NFKB2: variants seen among roughly 807,000 people sequenced by gnomAD.
The protein encoded by NFKB2 is nuclear factor NF-kappa-B p100 subunit.
A neutral mutation model predicts 109.3 loss-of-function variants in NFKB2; 21 were observed. That is an observed-to-expected ratio of 0.19 (90% CI 0.14 to 0.28). NFKB2 has a LOEUF of 0.28. Among genes scored for constraint, NFKB2 ranks in the 10% least tolerant of loss-of-function variants. The probability of loss-of-function intolerance (pLI) is 1.00; values close to 1 mark genes in which losing one functional copy is unlikely to be tolerated. For missense variants in NFKB2, 806 were observed against 1,185.3 expected (o/e 0.68, Z 4.70); for synonymous variants, 478 against 489.9 (o/e 0.98, Z 0.32).
In NFKB2 at chr10:102,401,336, G is replaced by A. The variant is rs1178732088; in HGVS notation, c.2223+5G>A. 3.1e-6 allele frequency: 5 copies of A among 1,605,830 alleles called. No homozygotes were observed. Among genetic ancestry groups the A allele is most frequent in the Non-Finnish European group, 4.3e-6 (5 of 1,174,914 alleles). ...GACCTCACTTGCAGCACCAAGGTGA[G>A]GCCAGCCCGGGACTAGAAGTGCTCT... On this transcript the variant is annotated splice_donor_5th_base_variant and intron_variant, in intron 19 of 22. Transcript: ENST00000661543. The surrounding 1 kb of genome is among the most constrained non-coding windows in gnomAD (Gnocchi z 4.2).
rs923380285 is a variant in NFKB2 at position 102,399,352 on chromosome 10, C to T, written c.1182C>T (p.Pro394=). 10 of 1,567,894 alleles carry T rather than the reference C, an allele frequency of 6.4e-6. No homozygotes were observed. Among genetic ancestry groups the T allele is most frequent in the Non-Finnish European group, 8.6e-6 (10 of 1,158,896 alleles). The part of the protein sequence containing the change: ...AYSPYQSGAG[P]MGCYPGGGGG... ...GCCCCTACCAGTCCGGCGCGGGCCC[C>T]ATGGGCTGCTACCCGGGAGGCGGGG... Residue 394 remains proline, a synonymous_variant, in exon 13 of 23, where the codon CCC becomes CCT. Transcript: ENST00000661543.
In NFKB2 at chr10:102,396,635, T is replaced by TC; in HGVS notation, c.145-90_145-89insC. ...CTGCTGCTGATCAGAGTGCTGTAGT[T>TC]TGGTTCAGGGCTACTACCAGGCACT... On this transcript the variant is annotated intron_variant, in intron 4 of 22. Coordinates refer to ENST00000661543, the MANE Select transcript of NFKB2 (RefSeq NM_001322934.2). This position sits in a 1 kb window ranked among gnomAD's most constrained non-coding sequence, Gnocchi z 5.9. 6.4e-7 allele frequency: 1 copy of TC among 1,559,186 alleles called. No individual in the cohort carries two copies. The highest frequency in any genetic ancestry group is 8.8e-7 in the Non-Finnish European group (1 of 1,132,646).
upstream of NFKB2, among the ~76,000 whole-genome samples, chr10:102,395,225 G>C (rs1186342489): frequency 6.6e-6 from 1 of 152,016 alleles, no homozygotes; most frequent in Non-Finnish European, 1.5e-5. Flanking sequence ...ACTCCGAGGA[G>C]GAGACACTTT....
rs1317755290 is a variant in NFKB2, at chr10:102,399,519, C to T, written c.1327+22C>T. The stretch of plus-strand genomic sequence containing the variant: ...CGAGGTATGGACTCCGGGGCACGGG[C>T]GGTCGGGGCGCCGGGGCTGAGGACC... On this transcript the variant is annotated intron_variant, in intron 13 of 22. Transcript: ENST00000661543. 6 of 1,499,890 alleles carry T rather than the reference C, an allele frequency of 4.0e-6. No homozygotes were observed. The South Asian group carries it at 7.7e-5, about 19-fold the overall frequency. 92.9% of individuals were successfully genotyped at this position (1,499,890 alleles called of 1,614,324 possible).
chr10:102,401,689 A>G lies in NFKB2; in HGVS notation c.2294-56A>G. ...GGAGAAAGGCAGTGTTCAGGTGTCC[A>G]TGTCCCCACCCAACTCTGGAGGTAA... is the stretch of plus-strand genomic sequence containing the variant. On this transcript the variant is annotated intron_variant, in intron 20 of 22. Transcript: ENST00000661543. The surrounding 1 kb of genome is among the most constrained non-coding windows in gnomAD (Gnocchi z 4.2). 6.4e-7 allele frequency: 1 copy of G among 1,558,894 alleles called. No individual in the cohort carries two copies. Among genetic ancestry groups the G allele is most frequent in the Non-Finnish European group, 8.7e-7 (1 of 1,149,602 alleles).
Position 102,399,717 on chromosome 10 carries a change from A to T in NFKB2, c.1468A>T (p.Thr490Ser), listed in dbSNP as rs1361296525. ...GACGGCGCAGGACGAGAACGGAGACACGTAGGCAACAGAGGGCCTGGCGGA... is the reference window on the plus strand; with the variant it reads ...GACGGCGCAGGACGAGAACGGAGACTCGTAGGCAACAGAGGGCCTGGCGGA... The part of the protein sequence containing the change: ...LLTAQDENGD[T>S]PLHLAIIHGQ... Residue 490 changes from threonine to serine, a missense_variant and splice_region_variant, in exon 14 of 23, where the codon ACA becomes TCA. Thr to Ser is a moderately conservative substitution (Grantham distance 58, BLOSUM62 1). This residue lies in a region of NFKB2 where 163 missense variants were observed against 207.1 expected (regional missense o/e 0.79). Transcript: ENST00000661543. The T allele has an allele frequency of 1.4e-6, 2 of 1,475,622 alleles. No homozygotes were observed. The highest frequency in any genetic ancestry group is 2.5e-5 in the East Asian group (1 of 39,546). The allele number at this position is 1,475,622 out of a possible 1,614,324, so 91.4% of individuals were successfully genotyped here.
At position 102,401,600 on chromosome 10, in the gene NFKB2, C is replaced by T. The variant is rs945331240; in HGVS notation, c.2293+82C>T. On this transcript the variant is annotated intron_variant, in intron 20 of 22. Transcript: ENST00000661543. This position sits in a 1 kb window ranked among gnomAD's most constrained non-coding sequence, Gnocchi z 4.2. ...TCTCCTTCAGGACCTCTGAAGGAGG[C>T]CTCCCTTTCTCTACCCTCAGCCCCG... The T allele has an allele frequency of 3.3e-6, 5 of 1,537,866 alleles. No individual in the cohort carries two copies. The African/African-American group carries it at 4.1e-5, about 13-fold the overall frequency.
chr10:102,397,416 T>C lies in NFKB2; in HGVS notation c.502+8T>C. 9.8e-7 allele frequency: 1 copy of C among 1,021,022 alleles called. No homozygotes were observed. The highest frequency in any genetic ancestry group is 5.9e-5 in the East Asian group (1 of 16,992). The allele number at this position is 1,021,022 out of a possible 1,614,324, so 63.2% of individuals were successfully genotyped here. On this transcript the variant is annotated splice_region_variant and intron_variant, in intron 7 of 22. Coordinates refer to ENST00000661543, the MANE Select transcript of NFKB2 (RefSeq NM_001322934.2). This position sits in a 1 kb window ranked among gnomAD's most constrained non-coding sequence, Gnocchi z 4.7. ...GGCCCCAGGGCCTTACGGGTATGGG[T>C]GCAGGGGGTGGGTCGGGTATGGGTG...
In NFKB2 at chr10:102,396,859, G is replaced by A. The variant is rs375907910; in HGVS notation, c.243+36G>A. 2 of 1,602,442 alleles carry A rather than the reference G, an allele frequency of 1.2e-6. No homozygotes were observed. The highest frequency in any genetic ancestry group is 2.7e-5 in the African/African-American group (2 of 74,666). ...ATGGTGCTGGAGGGTGGGCTAAGTG[G>A]ACAGCATGCCCAAGGCCCTGACTGA... is the stretch of plus-strand genomic sequence containing the variant. On this transcript the variant is annotated intron_variant, in intron 5 of 22. Transcript: ENST00000661543. The surrounding 1 kb of genome is among the most constrained non-coding windows in gnomAD (Gnocchi z 5.9).
In NFKB2 at chr10:102,397,142, C is replaced by A; in HGVS notation, c.395+87C>A. 1 of 1,568,318 alleles carries A rather than the reference C, an allele frequency of 6.4e-7. No homozygotes were observed. Reference sequence around the variant, plus strand: ...CCACCTCCATGAGCTTAGCATCTGACCAAGGGGAAAGATGTAGGTTGGCCC... The same window carrying A: ...CCACCTCCATGAGCTTAGCATCTGAACAAGGGGAAAGATGTAGGTTGGCCC... On this transcript the variant is annotated intron_variant, in intron 6 of 22. Coordinates refer to ENST00000661543, the MANE Select transcript of NFKB2 (RefSeq NM_001322934.2). The surrounding 1 kb of genome is among the most constrained non-coding windows in gnomAD (Gnocchi z 4.7).
At chr10:102,402,528 C>A (rs148657333), downstream of NFKB2, 36 of 570,810 alleles carry the variant, frequency 6.3e-5, no homozygotes, top group Non-Finnish European at 1.0e-4. Flanking sequence ...CAACTTATGG[C>A]AGCCCCTGAT....
In NFKB2 at chr10:102,396,778, C is replaced by T. The variant is rs778061308; in HGVS notation, c.198C>T (p.Pro66=). Residue 66 remains proline (P), a synonymous_variant, in exon 5 of 23, where the codon CCC becomes CCT. Coordinates refer to ENST00000661543, the MANE Select transcript of NFKB2 (RefSeq NM_001322934.2). The surrounding 1 kb of genome is among the most constrained non-coding windows in gnomAD (Gnocchi z 5.9). ...GCEGPSHGGL[P]GASSEKGRKT... is the part of the protein sequence containing the mutation. The stretch of plus-strand genomic sequence containing the variant: ...AAGGCCCCTCCCATGGAGGACTGCC[C>T]GGTGCCTCCAGTGAGAAGGGCCGAA... 1.7e-5 allele frequency: 27 copies of T among 1,613,236 alleles called. No homozygotes were observed. The South Asian group carries it at 1.8e-4, about 10-fold the overall frequency.
Position 102,402,389 on chromosome 10 carries a change from C to G in NFKB2, c.*13C>G, listed in dbSNP as rs1181335919. ...TCAGGTGCACTGACCTGCTGCCTGC[C>G]CCCAGCCCCCTTCCCGGACCCCCTG... On this transcript the variant is annotated 3_prime_UTR_variant, in exon 23 of 23. Coordinates refer to ENST00000661543, the MANE Select transcript of NFKB2 (RefSeq NM_001322934.2). The G allele has an allele frequency of 1.3e-6, 2 of 1,495,140 alleles. No homozygotes were observed. Among genetic ancestry groups the G allele is most frequent in the South Asian group, 1.3e-5 (1 of 75,704 alleles). 92.6% of individuals were successfully genotyped at this position (1,495,140 alleles called of 1,614,324 possible). A position where few individuals can be genotyped will look rare whatever the true frequency, so the allele number is the denominator to read the frequency against.
Position 102,398,108 on chromosome 10 carries a change from G to A in NFKB2, c.766+23G>A. The A allele has an allele frequency of 6.2e-7, 1 of 1,613,696 alleles. No homozygotes were observed. Among genetic ancestry groups the A allele is most frequent in the Non-Finnish European group, 8.5e-7 (1 of 1,179,600 alleles). On this transcript the variant is annotated intron_variant, in intron 9 of 22. Transcript: ENST00000661543. The surrounding 1 kb of genome is among the most constrained non-coding windows in gnomAD (Gnocchi z 6.6). ...AAGGTGAGACTGGAGCCCACTTTGG[G>A]CACCAAGGACATCGAGTATAAGACT...
In NFKB2 at chr10:102,397,072, C is replaced by T; in HGVS notation, c.395+17C>T. The T allele has an allele frequency of 1.2e-6, 2 of 1,602,108 alleles. No individual in the cohort carries two copies. Among genetic ancestry groups the T allele is most frequent in the Non-Finnish European group, 1.7e-6 (2 of 1,170,802 alleles). On this transcript the variant is annotated intron_variant, in intron 6 of 22. Transcript: ENST00000661543. This position sits in a 1 kb window ranked among gnomAD's most constrained non-coding sequence, Gnocchi z 4.7. ...GACTGCCCAGTAGGTGCCCTCTACG[C>T]CTGGCCCCCACTGGTATGCCCGTCT... is the stretch of plus-strand genomic sequence containing the variant.
At position 102,395,806 on chromosome 10, in the gene NFKB2, T is replaced by TG; in HGVS notation, c.-73+10_-73+11insG. On this transcript the variant is annotated intron_variant, in intron 1 of 22. Transcript: ENST00000661543. ...CAGGCGGCTGGAGGAGGTCGGACCC[T>TG]CCCCCAAATCTGGGCCCCCATCTCC... 7.8e-6 allele frequency: 4 copies of TG among 512,640 alleles called. No homozygotes were observed. The highest frequency in any genetic ancestry group is 2.2e-5 in the African/African-American group (1 of 46,368). The allele number at this position is 512,640 out of a possible 1,614,324, so 31.8% of individuals were successfully genotyped here. A position where few individuals can be genotyped will look rare whatever the true frequency, so the allele number is the denominator to read the frequency against.
Position 102,398,935 on chromosome 10 carries a change from C to T in NFKB2, c.1117+71C>T, listed in dbSNP as rs756456253. ...TGGAGGAAAAAAATCTGGGGGAGGC[C>T]GGGCGTGGTGGCTCACGCCTGTAAT... On this transcript the variant is annotated intron_variant, in intron 12 of 22. Transcript: ENST00000661543. This position sits in a 1 kb window ranked among gnomAD's most constrained non-coding sequence, Gnocchi z 6.6. The T allele has an allele frequency of 7.3e-6, 11 of 1,507,502 alleles. No homozygotes were observed. Among genetic ancestry groups the T allele is most frequent in the South Asian group, 3.8e-5 (3 of 79,810 alleles). The allele number at this position is 1,507,502 out of a possible 1,614,324, so 93.4% of individuals were successfully genotyped here. A position where few individuals can be genotyped will look rare whatever the true frequency, so the allele number is the denominator to read the frequency against.
At chr10:102,399,549 C>A (rs756925062) in intron 13 of NFKB2, 28 bp from the exon 14 acceptor site, 3 of 1,544,340 alleles carry the variant, frequency 1.9e-6, no homozygotes, top group Non-Finnish European at 2.6e-6. Context: ...AGGACCTAGC[C>A]CTGACCCACG....
rs766897856 is a variant in NFKB2, at chr10:102,399,398, A to G, written c.1228A>G (p.Thr410Ala). 6.5e-7 allele frequency: 1 copy of G among 1,541,264 alleles called. No individual in the cohort carries two copies. Among genetic ancestry groups the G allele is most frequent in the South Asian group, 1.2e-5 (1 of 83,606 alleles). The change falls in exon 13 of 23, where the codon ACG becomes GCG. Residue 410 changes from threonine (T) to alanine (A), a missense_variant. Around this residue, in one of 10 missense-constraint regions of NFKB2, gnomAD observed 209 missense variants for 211.9 expected, o/e 0.99. Coordinates refer to ENST00000661543, the MANE Select transcript of NFKB2 (RefSeq NM_001322934.2). ...GGGGGAQMAATVPSRDSGEEA... is the reference protein window; with the variant it reads ...GGGGGAQMAAAVPSRDSGEEA... ...CGGGGGCGGGGCGCAGATGGCCGCC[A>G]CGGTGCCCAGCAGGGACTCCGGGGA...
Sources: gnomAD v4.1 joint callset for allele counts (sites outside exome capture counted in the v4.1 genomes callset) on GRCh38, gnomAD v4.1.1 for gene constraint, gnomAD v4.1.1 regional missense constraint, Gnocchi (gnomAD v3.1) non-coding constraint, MANE v1.5 for transcripts, NCBI Gene and HGNC (gene_info 2026-07-23, HGNC 2026-07-21) for gene names.